Variants in CDK10 observed in about 807,000 individuals in gnomAD.
The protein encoded by CDK10 is cyclin dependent kinase 10, also known as cyclin-dependent kinase 10.
In CDK10, 55 loss-of-function variants were observed where a neutral mutation model predicts 51.0. The observed-to-expected ratio is 1.08, with a 90% CI of 0.87 to 1.35. CDK10 has a LOEUF of 1.35. CDK10 is among the 40% of genes most tolerant of loss of function. The pLI is 0.00. For synonymous variants in CDK10, 255 were observed against 199.1 expected, an observed-to-expected ratio of 1.28 and a Z score of -2.36; for missense variants, 589 against 485.1, an observed-to-expected ratio of 1.21 and a Z score of -2.01.
chr16:89,694,766 C>A lies in CDK10; in HGVS notation c.770C>A (p.Thr257Lys), dbSNP rs1457917965. ...QIDLIVQLLG[T>K]PSENIWPGFS... The stretch of plus-strand genomic sequence containing the variant: ...GACTTGATCGTGCAGCTGCTGGGCA[C>A]GCCCAGTGAGAACATCTGGCCGGTG... Residue 257 changes from threonine to lysine, a missense_variant, in exon 10 of 13, where the codon ACG (threonine) becomes AAG (lysine). Thr to Lys is a moderately conservative substitution (Grantham distance 78, BLOSUM62 -1). Coordinates refer to ENST00000353379, the MANE Select transcript of CDK10 (RefSeq NM_052988.5). 24 of 1,565,200 alleles carry A rather than the reference C, an allele frequency of 1.5e-5. No individual in the cohort carries two copies. Among genetic ancestry groups the A allele is most frequent in the Non-Finnish European group, 2.0e-5 (23 of 1,156,416 alleles).
At chr16:89,693,244 G>T in intron 6 of CDK10, 30 bp from the exon 7 acceptor site, 1 of 1,613,062 alleles carries the variant, frequency 6.2e-7, no homozygotes, top group African/African-American at 1.3e-5. Context: ...GGCCCTCTGG[G>T]AGCCACCTGC....
At chr16:89,686,859 C>A in intron 1 of CDK10, 62 bp downstream of exon 1, 1 of 1,407,386 alleles carries the variant, frequency 7.1e-7, no homozygotes, top group Non-Finnish European at 9.8e-7. Flanking sequence ...CCGGCTGGGT[C>A]TGGGGAGCCT....
At chr16:89,694,008 C>A (rs138649864) in intron 8 of CDK10, 165 bp from the exon 9 acceptor site, 1 of 689,798 alleles carries the variant, frequency 1.4e-6, no homozygotes, top group Non-Finnish European at 2.6e-6. Context: ...CCCCGGCAAC[C>A]ATTGCTGTGT....
In CDK10 at chr16:89,695,315, G is replaced by A. The variant is rs760259251; in HGVS notation, c.955G>A (p.Glu319Lys). Residue 319 changes from glutamate (E) to lysine (K), a missense_variant, in exon 12 of 13, where the codon GAG becomes AAG. Physicochemically the swap from Glu to Lys is moderately conservative, Grantham distance 56 (BLOSUM62 1). Coordinates refer to ENST00000353379, the MANE Select transcript of CDK10 (RefSeq NM_052988.5). ...CAGGGCGACGGCCGGGGACTGCCTGGAGAGCTCCTATTTCAAGGAGAAGCC... is the reference window on the plus strand; with the variant it reads ...CAGGGCGACGGCCGGGGACTGCCTGAAGAGCTCCTATTTCAAGGAGAAGCC... ...KKRATAGDCL[E>K]SSYFKEKPLP... The A allele has an allele frequency of 6.2e-7, 1 of 1,612,388 alleles. No homozygotes were observed. Among genetic ancestry groups the A allele is most frequent in the East Asian group, 2.2e-5 (1 of 44,830 alleles).
rs376819631 is a variant in CDK10, at chr16:89,686,811, C to T, written c.87+14C>T. ...CCGGAACACAGGGTGCGCGGGGTGC[C>T]ACCCGGGCAGCTCTGCCCGCCTCGC... On this transcript the variant is annotated intron_variant, in intron 1 of 12. Transcript: ENST00000353379. 11 of 1,601,910 alleles carry T rather than the reference C, an allele frequency of 6.9e-6. No individual in the cohort carries two copies. Among genetic ancestry groups the T allele is most frequent in the African/African-American group, 5.4e-5 (4 of 74,554 alleles).
Position 89,686,835 on chromosome 16 carries a change from G to C in CDK10, c.87+38G>C, listed in dbSNP as rs752112694. On this transcript the variant is annotated intron_variant, in intron 1 of 12. Transcript: ENST00000353379. ...CCACCCGGGCAGCTCTGCCCGCCTC[G>C]CTAGCGGCACTGCCCGGCTGGGTCT... 7.7e-6 allele frequency: 12 copies of C among 1,563,752 alleles called. No individual in the cohort carries two copies. In the East Asian group the frequency reaches 2.8e-4, roughly 36 times the overall value.
chr16:89,693,558 C>T (rs915512703), intron 8 of CDK10, 91 bp downstream of exon 8: 2 of 1,306,934 alleles, frequency 1.5e-6, no homozygotes, highest in African/African-American at 2.9e-5. Context: ...TGCAACTGGC[C>T]TTGGGAATGT....
At chr16:89,692,636 A>G (rs1302590064) in intron 6 of CDK10, 120 bp downstream of exon 6, 1 of 614,818 alleles carries the variant, frequency 1.6e-6, no homozygotes, top group Non-Finnish European at 2.7e-6. Context: ...CGCTGCTCGC[A>G]CTCCATTTGT....
At position 89,695,274 on chromosome 16, in the gene CDK10, C is replaced by CGCAGGCTGCCTCCTCCAGG. The variant is rs1164301602; in HGVS notation, c.933-16_935dup. On this transcript the variant is annotated intron_variant, in intron 11 of 12. Transcript: ENST00000353379. ...AAGCCGCACTCACAAGTCGCACTAA[C>CGCAGGCTGCCTCCTCCAGG]GCAGGCTGCCTCCTCCAGGGCGACG... 2 of 1,605,268 alleles carry CGCAGGCTGCCTCCTCCAGG rather than the reference C, an allele frequency of 1.2e-6. No homozygotes were observed. Among genetic ancestry groups the CGCAGGCTGCCTCCTCCAGG allele is most frequent in the Non-Finnish European group, 1.7e-6 (2 of 1,175,130 alleles).
chr16:89,686,815 C>T lies in CDK10; in HGVS notation c.87+18C>T, dbSNP rs1166639128. ...AACACAGGGTGCGCGGGGTGCCACC[C>T]GGGCAGCTCTGCCCGCCTCGCTAGC... On this transcript the variant is annotated intron_variant, in intron 1 of 12. Transcript: ENST00000353379. The T allele has an allele frequency of 2.5e-6, 4 of 1,596,862 alleles. No homozygotes were observed. The highest frequency in any genetic ancestry group is 1.3e-5 in the African/African-American group (1 of 74,376).
chr16:89,690,730 C>A (rs529565910), intron 3 of CDK10, 106 bp downstream of exon 3: 2 of 995,054 alleles, frequency 2.0e-6, no homozygotes, highest in Non-Finnish European at 3.2e-6. Context: ...GTAGCGGGGG[C>A]CGGCCTCTGG....
chr16:89,693,201 C>A, intron 6 of CDK10, 73 bp from the exon 7 acceptor site: 1 of 1,314,848 alleles, frequency 7.6e-7, no homozygotes, highest in Non-Finnish European at 1.1e-6. Context: ...AGTCTACGGG[C>A]ATTGGTGCCG....
chr16:89,686,903 G>C (rs1435229219), intron 1 of CDK10, 106 bp downstream of exon 1: 2 of 977,164 alleles, frequency 2.0e-6, no homozygotes, highest in South Asian at 1.6e-5. Context: ...CTTCCGGCAC[G>C]GGCGGGAACG....
rs1015794315 is a variant in CDK10 at position 89,692,118 on chromosome 16, G to A, written c.417+231G>A. ...TATGAGGGCACTGGTTTCCTGGGCT[G>A]TTGGGAGCAGGCAGCCCCGGGGCTG... On this transcript the variant is annotated intron_variant, in intron 5 of 12. Coordinates refer to ENST00000353379, the MANE Select transcript of CDK10 (RefSeq NM_052988.5). 1.7e-4 allele frequency: 99 copies of A among 582,146 alleles called. No homozygotes were observed. In the African/African-American group the frequency reaches 1.7e-3, roughly 10 times the overall value. 36.1% of individuals were successfully genotyped at this position (582,146 alleles called of 1,614,324 possible).
At chr16:89,688,973 G>A (rs961841064) in intron 1 of CDK10, among the ~76,000 whole-genome samples, 1 of 152,180 alleles carries the variant, frequency 6.6e-6, no homozygotes, top group Non-Finnish European at 1.5e-5. Context: ...GGTGGCACCT[G>A]CCTGTAATCC....
intron 5 of CDK10, chr16:89,692,239 A>T (rs934594536): frequency 1.9e-6 from 1 of 530,100 alleles, no homozygotes; most frequent in Non-Finnish European, 3.3e-6. Flanking sequence ...GGCTGCTGGG[A>T]GAGTGCAGCC....
At position 89,694,198 on chromosome 16, in the gene CDK10, G is replaced by A. The variant is rs1481898858; in HGVS notation, c.634G>A (p.Gly212Arg). The A allele has an allele frequency of 6.2e-7, 1 of 1,613,984 alleles. No individual in the cohort carries two copies. Among genetic ancestry groups the A allele is most frequent in the Non-Finnish European group, 8.5e-7 (1 of 1,180,020 alleles). The change falls in exon 9 of 13, where the codon GGA becomes AGA. Residue 212 changes from glycine (G) to arginine (R), a missense_variant. By Grantham distance (125) the Gly-to-Arg change is moderately radical. Coordinates refer to ENST00000353379, the MANE Select transcript of CDK10 (RefSeq NM_052988.5). ...LWYRAPELLL[G>R]TTTQTTSIDM... ...GTACCGAGCCCCTGAACTGCTGTTG[G>A]GAACCACCACGCAGACCACCAGCAT...
intron 1 of CDK10, among the ~76,000 whole-genome samples, chr16:89,688,851 A>G (rs2060318387): frequency 6.6e-6 from 1 of 152,234 alleles, no homozygotes; most frequent in Non-Finnish European, 1.5e-5. Flanking sequence ...TTGTAATCCC[A>G]GCACTTTGGG....
chr16:89,691,435 C>T lies in CDK10; in HGVS notation c.233-8C>T, dbSNP rs528022728. 2.2e-4 allele frequency: 355 copies of T among 1,597,896 alleles called. No individual in the cohort carries two copies. The highest frequency in any genetic ancestry group is 2.6e-4 in the Non-Finnish European group (301 of 1,170,650). Reference sequence around the variant, plus strand: ...GGTGGGGCTCGCTGAGGCCACCTCCCTCCCCAGGCATCCCCATCAGCAGCT... The same window carrying T: ...GGTGGGGCTCGCTGAGGCCACCTCCTTCCCCAGGCATCCCCATCAGCAGCT... On this transcript the variant is annotated splice_polypyrimidine_tract_variant and splice_region_variant and intron_variant, in intron 3 of 12. Transcript: ENST00000353379.
Sources: allele counts gnomAD v4.1 joint callset (sites outside exome capture counted in the v4.1 genomes callset), GRCh38; gene constraint gnomAD v4.1.1; transcripts MANE v1.5; gene names NCBI Gene and HGNC (gene_info 2026-07-23, HGNC 2026-07-21).